Variants in PRC1 observed in about 807,000 individuals in gnomAD.
PRC1 encodes the protein protein regulator of cytokinesis 1, also known as anaphase spindle elongation 1 homolog.
Under a neutral mutation model 91.2 loss-of-function variants are expected in PRC1, and 54 were observed. The ratio of observed to expected loss-of-function variants is 0.59; its 90% confidence interval spans 0.48 to 0.74. The LOEUF is 0.74. PRC1 is among the 30% of genes least tolerant of loss of function. The probability of loss-of-function intolerance (pLI) is 0.00; values close to 1 mark genes in which losing one functional copy is unlikely to be tolerated. For missense variants in PRC1, 727 were observed against 746.2 expected (o/e 0.97, Z 0.30); for synonymous variants, 275 against 263.6 (o/e 1.04, Z -0.42).
rs146392089 is a variant in PRC1 at position 90,981,994 on chromosome 15, A to T, written c.268-13T>A. ...TCTCTCCTTCTTCCTGAATAAGACA[A>T]CGTACCACTGTTATAAGATTCCAAG... On this transcript the variant is annotated splice_polypyrimidine_tract_variant and intron_variant, in intron 3 of 14. Coordinates refer to ENST00000394249, the MANE Select transcript of PRC1 (RefSeq NM_003981.4). 1 of 1,605,552 alleles carries T rather than the reference A, an allele frequency of 6.2e-7. No homozygotes were observed. Among genetic ancestry groups the T allele is most frequent in the African/African-American group, 1.3e-5 (1 of 74,544 alleles).
At chr15:90,969,286 C>CA (rs2037838325) in intron 13 of PRC1, among the ~76,000 whole-genome samples, 161 bp downstream of exon 13, 1 of 152,122 alleles carries the variant, frequency 6.6e-6, no homozygotes, top group African/African-American at 2.4e-5. Context: ...ACAACCCCCC[C>CA]TTAAATCACA....
chr15:90,970,352 G>T, intron 12 of PRC1, 52 bp downstream of exon 12: 1 of 1,349,162 alleles, frequency 7.4e-7, no homozygotes, highest in South Asian at 1.2e-5. Context: ...GCCTCTGGGT[G>T]AACAGGCTAG....
chr15:90,994,339 A>C, intron 1 of PRC1, 68 bp downstream of exon 1: 1 of 1,610,922 alleles, frequency 6.2e-7, no homozygotes. Context: ...CGCACCCCTG[A>C]ACAGGCCCCG....
At chr15:90,969,715 T>A (rs2151423991) in intron 12 of PRC1, 92 bp from the exon 13 acceptor site, 2 of 894,736 alleles carry the variant, frequency 2.2e-6, no homozygotes, top group South Asian at 3.6e-5. Context: ...GCTGAGACTA[T>A]CTTTATATTC....
intron 3 of PRC1, 117 bp from the exon 4 acceptor site, chr15:90,982,098 A>C: frequency 1.1e-6 from 1 of 937,216 alleles, no homozygotes; most frequent in South Asian, 1.6e-5. Flanking sequence ...CAAGTAAGTC[A>C]ACTCATGGTC....
Position 90,981,728 on chromosome 15 carries a change from A to C in PRC1, c.501+20T>G. 2 of 1,608,990 alleles carry C rather than the reference A, an allele frequency of 1.2e-6. No homozygotes were observed. Among genetic ancestry groups the C allele is most frequent in the Non-Finnish European group, 1.7e-6 (2 of 1,176,244 alleles). On this transcript the variant is annotated intron_variant, in intron 4 of 14. Coordinates refer to ENST00000394249, the MANE Select transcript of PRC1 (RefSeq NM_003981.4). ...GAAAACCAAAGTGACTTTTAGGAAG[A>C]ACAAATGTAGGCAGTGTACCTTTGT...
Position 90,981,954 on chromosome 15 carries a change from G to C in PRC1, c.295C>G (p.Leu99Val). The C allele has an allele frequency of 3.1e-6, 5 of 1,614,102 alleles. No individual in the cohort carries two copies. Among genetic ancestry groups the C allele is most frequent in the Non-Finnish European group, 4.2e-6 (5 of 1,180,022 alleles). ...QEEGETTILQ[L>V]EKDLRTQVEL... ...ACTTGGGTGCGCAAATCTTTTTCTA[G>C]TTGCAAGATGGTCGTCTCTCCTTCT... Residue 99 changes from leucine to valine, a missense_variant, in exon 4 of 15, where the codon CTA becomes GTA. Leu to Val is a conservative substitution (Grantham distance 32, BLOSUM62 1). Coordinates refer to ENST00000394249, the MANE Select transcript of PRC1 (RefSeq NM_003981.4).
At chr15:90,972,279 G>A (rs944963387) in intron 11 of PRC1, among the ~76,000 whole-genome samples, 1 of 151,170 alleles carries the variant, frequency 6.6e-6, no homozygotes, top group Admixed American at 6.6e-5. Context: ...AGCTACATGG[G>A]AGGCTGAGGT....
chr15:90,970,180 G>A (rs2037985220), intron 12 of PRC1, among the ~76,000 whole-genome samples: 1 of 152,124 alleles, frequency 6.6e-6, no homozygotes, highest in Admixed American at 6.6e-5. Context: ...ACACATCCCA[G>A]TGCTTCCCAT....
intron 1 of PRC1, among the ~76,000 whole-genome samples, chr15:90,990,881 C>T (rs918490347): frequency 7.3e-5 from 11 of 151,480 alleles, no homozygotes; most frequent in South Asian, 2.1e-4. Flanking sequence ...TGGGATCAAG[C>T]GATTCTCCTG....
chr15:90,967,872 A>T (rs2037663170), intron 14 of PRC1: 1 of 985,352 alleles, frequency 1.0e-6, no homozygotes, highest in Admixed American at 6.1e-5. Context: ...TTGTCAAGGT[A>T]AGTAGGCAAC....
chr15:90,969,250 G>C, intron 13 of PRC1, 130 bp from the exon 14 acceptor site: 4 of 1,225,652 alleles, frequency 3.3e-6, no homozygotes, highest in Non-Finnish European at 4.7e-6. Flanking sequence ...TAAATGTCTA[G>C]TTGCTGCTGC....
intron 8 of PRC1, among the ~76,000 whole-genome samples, chr15:90,977,865 C>T (rs557876852): frequency 1.2e-4 from 19 of 152,238 alleles, no homozygotes; most frequent in African/African-American, 1.7e-4. Context: ...GGATTACAGG[C>T]GTGAGCCACC....
rs2037857203 is a variant in PRC1, at chr15:90,969,489, G to C, written c.1707C>G (p.Asn569Lys). The stretch of plus-strand genomic sequence containing the variant: ...TGCTGGCAACAGAATTAATGCTGAA[G>C]TTGCGCTGGAGGGGGGCCGAGCCAG... ...GYPGSAPLQR[N>K]FSINSVASTY... The change falls in exon 13 of 15, where the codon AAC becomes AAG. Residue 569 changes from asparagine (N) to lysine (K), a missense_variant. Physicochemically the swap from Asn to Lys is moderately conservative, Grantham distance 94. Transcript: ENST00000394249. The C allele has an allele frequency of 6.2e-7, 1 of 1,611,524 alleles. No homozygotes were observed. Among genetic ancestry groups the C allele is most frequent in the Admixed American group, 1.7e-5 (1 of 59,288 alleles).
Position 90,980,406 on chromosome 15 carries a change from T to A in PRC1, c.823-17A>T, listed in dbSNP as rs761617092. 1.2e-6 allele frequency: 2 copies of A among 1,610,452 alleles called. No individual in the cohort carries two copies. Among genetic ancestry groups the A allele is most frequent in the African/African-American group, 1.3e-5 (1 of 74,726 alleles). On this transcript the variant is annotated splice_polypyrimidine_tract_variant and intron_variant, in intron 6 of 14. Coordinates refer to ENST00000394249, the MANE Select transcript of PRC1 (RefSeq NM_003981.4). Reference sequence around the variant, plus strand: ...TAATTGCAGCTGAAAGAAAGAAACTTGTTAAGGGTGGCTGCCATAGTTTTA... The same window carrying A: ...TAATTGCAGCTGAAAGAAAGAAACTAGTTAAGGGTGGCTGCCATAGTTTTA...
At chr15:90,994,336 C>T (rs545901134) in intron 1 of PRC1, 71 bp downstream of exon 1, 2 of 1,610,828 alleles carry the variant, frequency 1.2e-6, no homozygotes, top group Non-Finnish European at 1.7e-6. Context: ...TCCCGCACCC[C>T]TGAACAGGCC....
Position 90,983,942 on chromosome 15 carries a change from C to T in PRC1, c.267+76G>A, listed in dbSNP as rs1221281756. ...TCCCTACGAGGAAGCCTTCCATCTGCAGGCCCAAGTCAACGTTGCTTTCTA... is the reference window on the plus strand; with the variant it reads ...TCCCTACGAGGAAGCCTTCCATCTGTAGGCCCAAGTCAACGTTGCTTTCTA... On this transcript the variant is annotated intron_variant, in intron 3 of 14. Transcript: ENST00000394249. 50 of 1,552,788 alleles carry T rather than the reference C, an allele frequency of 3.2e-5. No individual in the cohort carries two copies. The East Asian group carries it at 1.1e-3, about 34-fold the overall frequency.
chr15:90,974,807 G>C lies in PRC1; in HGVS notation c.1204-76C>G. The C allele has an allele frequency of 6.5e-7, 1 of 1,537,564 alleles. No individual in the cohort carries two copies. The highest frequency in any genetic ancestry group is 8.9e-7 in the Non-Finnish European group (1 of 1,118,138). The stretch of plus-strand genomic sequence containing the variant: ...GCCCAAATGAAATGATTTCCCTAGA[G>C]AGTGACTCCTCCTCCCCAGAGCATC... On this transcript the variant is annotated intron_variant, in intron 9 of 14. Coordinates refer to ENST00000394249, the MANE Select transcript of PRC1 (RefSeq NM_003981.4). This position sits in a 1 kb window ranked among gnomAD's most constrained non-coding sequence, Gnocchi z 4.6.
intron 9 of PRC1, among the ~76,000 whole-genome samples, chr15:90,975,198 C>A (rs573096877): frequency 6.6e-6 from 1 of 152,142 alleles, no homozygotes; most frequent in Non-Finnish European, 1.5e-5. Context: ...CTCCACCTCC[C>A]GGGTTCAAGC....
Sources: gnomAD v4.1 joint callset for allele counts (sites outside exome capture counted in the v4.1 genomes callset) on GRCh38, gnomAD v4.1.1 for gene constraint, Gnocchi (gnomAD v3.1) non-coding constraint, MANE v1.5 for transcripts, NCBI Gene and HGNC (gene_info 2026-07-23, HGNC 2026-07-21) for gene names.